Variants in TEAD1 observed in about 807,000 individuals in gnomAD.
The protein encoded by TEAD1 is transcriptional enhancer factor TEF-1.
In TEAD1, 9 loss-of-function variants were observed where a neutral mutation model predicts 54.9. The observed-to-expected ratio is 0.16, with a 90% CI of 0.10 to 0.29. The LOEUF is 0.29. Ranked by LOEUF, TEAD1 falls within the 10% of genes least tolerant of loss-of-function variation. The pLI is 1.00. For missense variants in TEAD1, 387 were observed against 535.9 expected (o/e 0.72, Z 2.74); for synonymous variants, 200 against 187.8 (o/e 1.07, Z -0.53).
chr11:12,707,079 G>A (rs1483306597), intron 2 of TEAD1, among the ~76,000 whole-genome samples: 1 of 150,440 alleles, frequency 6.6e-6, no homozygotes, highest in Non-Finnish European at 1.5e-5. Context: ...GAGATTTTTC[G>A]GAAGGCTTAA....
At chr11:12,825,389 C>T (rs1226619829) in intron 3 of TEAD1, among the ~76,000 whole-genome samples, 1 of 152,268 alleles carries the variant, frequency 6.6e-6, no homozygotes, top group East Asian at 1.9e-4. Context: ...GTTCAGCAAC[C>T]TTACAGGATA....
At chr11:12,851,164 T>C (rs1290008847) in intron 3 of TEAD1, 1 of 881,610 alleles carries the variant, frequency 1.1e-6, no homozygotes, top group Non-Finnish European at 1.4e-6. Flanking sequence ...ATCTCACTTA[T>C]ACGTGGAATC....
chr11:12,873,739 T>C (rs1947800265), intron 5 of TEAD1, among the ~76,000 whole-genome samples: 1 of 152,232 alleles, frequency 6.6e-6, no homozygotes, highest in Non-Finnish European at 1.5e-5. Context: ...CTCCATCCTT[T>C]TTCCAAAACC....
At chr11:12,689,520 G>T (rs948903582) in intron 2 of TEAD1, among the ~76,000 whole-genome samples, 2 of 152,198 alleles carry the variant, frequency 1.3e-5, no homozygotes, top group Non-Finnish European at 2.9e-5. Context: ...TGAGCACAGT[G>T]CTGACTCGCG....
intron 3 of TEAD1, among the ~76,000 whole-genome samples, chr11:12,819,757 A>G (rs1946500221): frequency 6.6e-6 from 1 of 152,172 alleles, no homozygotes; most frequent in Non-Finnish European, 1.5e-5. Flanking sequence ...GGCCGGTAAC[A>G]AAGTCTTAAA....
intron 2 of TEAD1, among the ~76,000 whole-genome samples, chr11:12,762,365 A>G (rs1197347753): frequency 7.5e-6 from 1 of 132,880 alleles, no homozygotes; most frequent in Non-Finnish European, 1.8e-5. Context: ...TTTGAATTTC[A>G]TAAGACTCTT....
intron 2 of TEAD1, among the ~76,000 whole-genome samples, chr11:12,749,513 T>G (rs2133903984): frequency 6.6e-6 from 1 of 152,292 alleles, no homozygotes; most frequent in South Asian, 2.1e-4. Context: ...TTTACTGAAT[T>G]CAGCAGACTC....
At chr11:12,799,394 C>T (rs190284735) in intron 3 of TEAD1, among the ~76,000 whole-genome samples, 292 of 152,176 alleles carry the variant, frequency 1.9e-3, no homozygotes, top group African/African-American at 6.6e-3. Flanking sequence ...CCTGTGATTC[C>T]CAATTAGGTG....
At chr11:12,715,240 T>C (rs1944030717) in intron 2 of TEAD1, among the ~76,000 whole-genome samples, 1 of 152,078 alleles carries the variant, frequency 6.6e-6, no homozygotes, top group Non-Finnish European at 1.5e-5. Context: ...TTCCATGCCC[T>C]GAGACCATTC....
chr11:12,880,663 T>C (rs1947945892), intron 6 of TEAD1, among the ~76,000 whole-genome samples: 1 of 152,194 alleles, frequency 6.6e-6, no homozygotes, highest in Non-Finnish European at 1.5e-5. Flanking sequence ...TGTTTCAGAA[T>C]GAAGGGAGGG....
rs576800932 is a variant in TEAD1, at chr11:12,934,291, A to G, written c.1168-2818A>G. Among the ~76,000 whole-genome samples the G allele has an allele frequency of 2.6e-5, 4 of 152,312 alleles. No individual in the cohort carries two copies. The East Asian group carries it at 7.7e-4, about 29-fold the overall frequency. ...TCTCAGCAAACTATTGCAAGGACAAAAAAACCAAACACCGCATGTTCTCAC... is the reference window on the plus strand; with the variant it reads ...TCTCAGCAAACTATTGCAAGGACAAGAAAACCAAACACCGCATGTTCTCAC... On this transcript the variant is annotated intron_variant, in intron 12 of 12. Coordinates refer to ENST00000527636, the MANE Select transcript of TEAD1 (RefSeq NM_021961.6).
chr11:12,905,862 G>A lies in TEAD1; in HGVS notation c.873+3749G>A, dbSNP rs533116135. On this transcript the variant is annotated intron_variant, in intron 10 of 12. Transcript: ENST00000527636. ...ATCTGCTACGTCCAACCTGGGCTCG[G>A]TCAGGCTAGACCACGTGAGGGGTTT... is the stretch of plus-strand genomic sequence containing the variant. 1.4e-4 allele frequency among the ~76,000 whole-genome samples: 22 copies of A among 152,232 alleles called. No individual in the cohort carries two copies. The East Asian group carries it at 3.7e-3, about 25-fold the overall frequency.
At chr11:12,693,445 G>A (rs116052717) in intron 2 of TEAD1, among the ~76,000 whole-genome samples, 2,952 of 152,276 alleles carry the variant, frequency 0.019, 105 homozygotes, top group African/African-American at 0.068. Flanking sequence ...TGGATATTTA[G>A]AGTCACAACC....
intron 3 of TEAD1, among the ~76,000 whole-genome samples, chr11:12,820,905 G>T (rs555952842): frequency 8.4e-4 from 128 of 152,334 alleles, no homozygotes; most frequent in African/African-American, 2.9e-3. Context: ...AAGGCATATT[G>T]TACATCCCAG....
chr11:12,866,542 A>C (rs181422993), intron 5 of TEAD1, among the ~76,000 whole-genome samples: 1 of 152,224 alleles, frequency 6.6e-6, no homozygotes, highest in African/African-American at 2.4e-5. Context: ...ATATGTAAAA[A>C]TACACAGCGG....
intron 3 of TEAD1, among the ~76,000 whole-genome samples, chr11:12,818,935 A>G (rs748582780): frequency 1.3e-5 from 2 of 152,370 alleles, no homozygotes; most frequent in Non-Finnish European, 2.9e-5. Context: ...GACACAAAAC[A>G]TAGGCTAGAG....
chr11:12,851,265 G>A (rs1434150658), intron 3 of TEAD1, among the ~76,000 whole-genome samples: 1 of 152,084 alleles, frequency 6.6e-6, no homozygotes, highest in Non-Finnish European at 1.5e-5. Context: ...CGGATATGTA[G>A]GTCAAAAGAT....
chr11:12,914,748 C>T (rs1948680079), intron 10 of TEAD1, among the ~76,000 whole-genome samples: 3 of 152,378 alleles, frequency 2.0e-5, no homozygotes, highest in Admixed American at 6.5e-5. Flanking sequence ...CCCCACAGCC[C>T]CAGGCCCAGT....
At chr11:12,911,253 G>T (rs1157266373) in intron 10 of TEAD1, among the ~76,000 whole-genome samples, 2 of 152,128 alleles carry the variant, frequency 1.3e-5, no homozygotes, top group Non-Finnish European at 2.9e-5. Flanking sequence ...CATAAAACTG[G>T]GTTTTATTTA....
Sources: allele counts gnomAD v4.1 joint callset (sites outside exome capture counted in the v4.1 genomes callset), GRCh38; gene constraint gnomAD v4.1.1; transcripts MANE v1.5; gene names NCBI Gene and HGNC (gene_info 2026-07-23, HGNC 2026-07-21).